Variants in PHKB observed in about 807,000 individuals in gnomAD.
The protein encoded by PHKB is phosphorylase b kinase regulatory subunit beta.
PHKB carries 122 observed loss-of-function variants against 152.1 expected under a neutral mutation model. The ratio of observed to expected loss-of-function variants is 0.80; its 90% CI spans 0.69 to 0.93. PHKB has a LOEUF of 0.93. Among genes scored for constraint, PHKB ranks in the 40% least tolerant of loss-of-function variants. PHKB has a pLI of 0.00. For synonymous variants in PHKB, 436 were observed against 464.9 expected (o/e 0.94, Z 0.80); for missense variants, 1,304 against 1,328.4 (o/e 0.98, Z 0.29).
At chr16:47,679,057 G>A (rs1303360449) in intron 26 of PHKB, among the ~76,000 whole-genome samples, 2 of 152,072 alleles carry the variant, frequency 1.3e-5, no homozygotes, top group Non-Finnish European at 2.9e-5. Context: ...TTTTTGTCAG[G>A]TTTGTCAAAG....
intron 24 of PHKB, chr16:47,664,037 T>G: frequency 5.4e-6 from 2 of 369,320 alleles, no homozygotes; most frequent in Non-Finnish European, 9.9e-6. Context: ...TTAAGTTCTG[T>G]TTTTTAATTT....
rs1468606437 is a variant in PHKB, at chr16:47,515,608, T to G, written c.594+7T>G. 8.5e-7 allele frequency: 1 copy of G among 1,179,144 alleles called. No homozygotes were observed. Among genetic ancestry groups the G allele is most frequent in the African/African-American group, 1.5e-5 (1 of 66,796 alleles). 73.0% of individuals were successfully genotyped at this position (1,179,144 alleles called of 1,614,324 possible). ...TATCTACAACACTGATGAGGTATGC[T>G]TTCCCCAAATTTTCTATTACTAAAT... is the stretch of plus-strand genomic sequence containing the variant. On this transcript the variant is annotated splice_region_variant and intron_variant, in intron 6 of 30. Coordinates refer to ENST00000323584, the MANE Select transcript of PHKB (RefSeq NM_000293.3).
intron 7 of PHKB, among the ~76,000 whole-genome samples, chr16:47,561,019 CATG>C (rs1350388029): frequency 6.6e-6 from 1 of 152,184 alleles, no homozygotes; most frequent in African/African-American, 2.4e-5. Flanking sequence ...GATTTAAAAA[CATG>C]ATCCATGGTG....
chr16:47,686,244 A>G (rs1008247347), intron 26 of PHKB, among the ~76,000 whole-genome samples: 6 of 152,212 alleles, frequency 3.9e-5, no homozygotes, highest in African/African-American at 7.2e-5. Flanking sequence ...TAAAAGATAA[A>G]TGTGATAAAC....
intron 1 of PHKB, among the ~76,000 whole-genome samples, chr16:47,493,319 T>C (rs903562493): frequency 6.6e-6 from 1 of 152,196 alleles, no homozygotes; most frequent in African/African-American, 2.4e-5. Context: ...TTTATAAAAT[T>C]TTACATTTTC....
At chr16:47,680,931 C>T (rs908270489) in intron 26 of PHKB, among the ~76,000 whole-genome samples, 68 of 152,016 alleles carry the variant, frequency 4.5e-4, no homozygotes, top group African/African-American at 1.5e-3. Context: ...CCCTGTGCAC[C>T]CTGCTTTGAA....
At chr16:47,494,825 G>C (rs1042383661) in intron 1 of PHKB, among the ~76,000 whole-genome samples, 1 of 152,144 alleles carries the variant, frequency 6.6e-6, no homozygotes, top group Admixed American at 6.5e-5. Context: ...ATGCTTTCCA[G>C]ATGTCCTATT....
At chr16:47,569,672 T>G (rs947689209) in intron 7 of PHKB, among the ~76,000 whole-genome samples, 1 of 152,142 alleles carries the variant, frequency 6.6e-6, no homozygotes, top group Non-Finnish European at 1.5e-5. Flanking sequence ...CAGGCTGGAG[T>G]GCAGTGGCAT....
chr16:47,547,816 C>T, intron 7 of PHKB: 1 of 398,704 alleles, frequency 2.5e-6, no homozygotes, highest in Non-Finnish European at 4.6e-6. Context: ...CATTAATCCA[C>T]AGCTTGGCCT....
intron 1 of PHKB, among the ~76,000 whole-genome samples, chr16:47,485,441 A>G (rs1309900294): frequency 1.3e-5 from 2 of 152,178 alleles, no homozygotes; most frequent in African/African-American, 4.8e-5. Flanking sequence ...TAATCATGGA[A>G]ATCTTGCTCA....
intron 4 of PHKB, among the ~76,000 whole-genome samples, chr16:47,504,785 G>T (rs926871520): frequency 7.9e-5 from 12 of 152,360 alleles, no homozygotes; most frequent in Admixed American, 7.2e-4. Context: ...CCGCCTTGGC[G>T]CAGTGAAGGT....
chr16:47,500,592 A>G (rs1166077768), intron 3 of PHKB, among the ~76,000 whole-genome samples: 1 of 152,166 alleles, frequency 6.6e-6, no homozygotes, highest in Non-Finnish European at 1.5e-5. Context: ...TTAATGATAG[A>G]GCCAGGGTCA....
intron 14 of PHKB, among the ~76,000 whole-genome samples, chr16:47,630,605 C>T (rs1323696506): frequency 6.6e-6 from 1 of 152,164 alleles, no homozygotes; most frequent in Admixed American, 6.5e-5. Flanking sequence ...GCAGACTCTA[C>T]TCCCCATGAA....
chr16:47,497,000 G>A (rs1970243578), intron 1 of PHKB, among the ~76,000 whole-genome samples: 1 of 152,132 alleles, frequency 6.6e-6, no homozygotes, highest in African/African-American at 2.4e-5. Flanking sequence ...AGAAAAATTT[G>A]TGTAATGAAA....
At chr16:47,586,420 C>T (rs1047972312) in intron 8 of PHKB, among the ~76,000 whole-genome samples, 5 of 151,994 alleles carry the variant, frequency 3.3e-5, no homozygotes, top group Non-Finnish European at 7.4e-5. Context: ...ACAGCCTCAC[C>T]GAATCACTGT....
intron 14 of PHKB, among the ~76,000 whole-genome samples, chr16:47,613,001 C>A (rs1972455160): frequency 6.6e-6 from 1 of 152,132 alleles, no homozygotes; most frequent in Non-Finnish European, 1.5e-5. Flanking sequence ...ACTAACTGAT[C>A]TTTGGGAATT....
At chr16:47,589,131 A>G (rs372729184) in intron 10 of PHKB, 29 bp downstream of exon 10, 2 of 1,509,986 alleles carry the variant, frequency 1.3e-6, no homozygotes, top group African/African-American at 2.7e-5. Flanking sequence ...TGGTAATCGC[A>G]TATCAGAGCA....
At chr16:47,634,968 T>C (rs948302703) in intron 14 of PHKB, among the ~76,000 whole-genome samples, 1 of 152,154 alleles carries the variant, frequency 6.6e-6, no homozygotes, top group African/African-American at 2.4e-5. Flanking sequence ...CACTTTTTAA[T>C]TACTGTTTTC....
chr16:47,632,142 T>C (rs1972839233), intron 14 of PHKB, among the ~76,000 whole-genome samples: 1 of 152,196 alleles, frequency 6.6e-6, no homozygotes, highest in African/African-American at 2.4e-5. Context: ...CTACTGATCT[T>C]TTCTTATAAT....
Sources: gnomAD v4.1 joint callset for allele counts (sites outside exome capture counted in the v4.1 genomes callset) on GRCh38, gnomAD v4.1.1 for gene constraint, MANE v1.5 for transcripts, NCBI Gene and HGNC (gene_info 2026-07-23, HGNC 2026-07-21) for gene names.